COL11A1: variants seen among roughly 807,000 people sequenced by gnomAD.
The protein encoded by COL11A1 is collagen type XI alpha 1 chain, also known as collagen alpha-1(XI) chain.
COL11A1 carries 74 observed loss-of-function variants against 265.2 expected under a neutral mutation model. That is an observed-to-expected ratio of 0.28 (90% CI 0.23 to 0.34). The LOEUF is 0.34. COL11A1 is among the 10% of genes least tolerant of loss of function. The probability of loss-of-function intolerance (pLI) is 1.00; values close to 1 mark genes in which losing one functional copy is unlikely to be tolerated. For synonymous variants in COL11A1, 816 were observed against 727.6 expected, an observed-to-expected ratio of 1.12 and a Z score of -1.96; for missense variants, 2,165 against 2,263.6, an observed-to-expected ratio of 0.96 and a Z score of 0.88.
At chr1:103,107,564 A>C (rs1674804212) in intron 1 of COL11A1, among the ~76,000 whole-genome samples, 1 of 144,622 alleles carries the variant, frequency 6.9e-6, no homozygotes, top group Admixed American at 7.1e-5. Context: ...TATATCCCCA[A>C]AACTAAAACA....
At chr1:102,894,276 G>A (rs1417179356) in intron 57 of COL11A1, among the ~76,000 whole-genome samples, 1 of 152,138 alleles carries the variant, frequency 6.6e-6, no homozygotes, top group African/African-American at 2.4e-5. Context: ...GCTCACGCCT[G>A]TAATCCCAGC....
chr1:103,012,376 A>C, intron 14 of COL11A1, 37 bp downstream of exon 14: 1 of 1,567,362 alleles, frequency 6.4e-7, no homozygotes, highest in Non-Finnish European at 8.8e-7. Flanking sequence ...CTAATTTGAA[A>C]ATTTTAACAT....
chr1:102,954,034 T>C (rs1411006226), intron 41 of COL11A1, among the ~76,000 whole-genome samples: 2 of 152,200 alleles, frequency 1.3e-5, no homozygotes, highest in Non-Finnish European at 2.9e-5. Context: ...ATCATAAGTG[T>C]TCTGTTATTT....
chr1:102,974,724 A>T, intron 36 of COL11A1, 106 bp downstream of exon 36: 1 of 820,566 alleles, frequency 1.2e-6, no homozygotes, highest in South Asian at 1.6e-5. Context: ...AATTTTACAG[A>T]GATTTTATCA....
At chr1:103,090,357 A>G (rs1673219829) in intron 1 of COL11A1, among the ~76,000 whole-genome samples, 1 of 152,146 alleles carries the variant, frequency 6.6e-6, no homozygotes, top group African/African-American at 2.4e-5. Flanking sequence ...TATTGCTACT[A>G]TGAGCATGTG....
At chr1:102,912,117 C>G (rs1654756726) in intron 54 of COL11A1, 42 bp downstream of exon 54, 1 of 1,492,372 alleles carries the variant, frequency 6.7e-7, no homozygotes, top group Non-Finnish European at 9.3e-7. Context: ...TCCATGGTGA[C>G]TAATGAGCAT....
chr1:102,993,860 A>T (rs1664363519), intron 28 of COL11A1, among the ~76,000 whole-genome samples: 1 of 152,036 alleles, frequency 6.6e-6, no homozygotes, highest in Non-Finnish European at 1.5e-5. Context: ...TTTTAATTTA[A>T]TTTTTTGTTT....
chr1:102,878,461 T>C (rs1391277898), intron 66 of COL11A1, among the ~76,000 whole-genome samples: 1 of 128,968 alleles, frequency 7.8e-6, no homozygotes, highest in African/African-American at 2.8e-5. Flanking sequence ...AAATTGATGT[T>C]GGTATTGAAT....
chr1:102,990,181 C>T (rs1482442958), intron 28 of COL11A1, among the ~76,000 whole-genome samples: 1 of 151,944 alleles, frequency 6.6e-6, no homozygotes, highest in Non-Finnish European at 1.5e-5. Flanking sequence ...AAGAACTTCT[C>T]CCCCCAACAA....
At chr1:102,886,752 A>G (rs890962352) in intron 63 of COL11A1, 55 bp downstream of exon 63, 14 of 1,610,714 alleles carry the variant, frequency 8.7e-6, no homozygotes, top group Admixed American at 6.7e-5. Flanking sequence ...CTGCCAATGC[A>G]CCTCAGAAAC....
In COL11A1 at chr1:102,920,296, C is replaced by T. The variant is rs749464364; in HGVS notation, c.3762+15G>A. On this transcript the variant is annotated intron_variant, in intron 49 of 66. Transcript: ENST00000370096. ...ATTCATGCTGTTTCAAACTGTGTGT[C>T]ACTAACATATTTACCTTTTCTCCAA... The T allele has an allele frequency of 6.2e-7, 1 of 1,611,456 alleles. No individual in the cohort carries two copies. Among genetic ancestry groups the T allele is most frequent in the South Asian group, 1.1e-5 (1 of 90,988 alleles).
Position 103,083,248 on chromosome 1 carries a change from C to CTGTGTG in COL11A1, c.107-282_107-277dup, listed in dbSNP as rs76992260. Among the ~76,000 whole-genome samples, 61,226 of 147,916 alleles carry CTGTGTG rather than the reference C, an allele frequency of 0.41. 13,901 individuals carry two copies. Among genetic ancestry groups the CTGTGTG allele is most frequent in the East Asian group, 0.72 (3,609 of 5,008 alleles). Reference sequence around the variant, plus strand: ...TCTGTGTGTGTGTGTGTGTCTGTGTCTGTGTGTGTGTGTGTGTGCGTGTGT... The same window carrying CTGTGTG: ...TCTGTGTGTGTGTGTGTGTCTGTGTCTGTGTGTGTGTGTGTGTGTGTGTGCGTGTGT... On this transcript the variant is annotated intron_variant, in intron 1 of 66. Coordinates refer to ENST00000370096, the MANE Select transcript of COL11A1 (RefSeq NM_001854.4).
chr1:102,963,729 A>C (rs1661137990), intron 38 of COL11A1, among the ~76,000 whole-genome samples: 1 of 152,170 alleles, frequency 6.6e-6, no homozygotes, highest in Admixed American at 6.5e-5. Context: ...TTAATTATAC[A>C]ATTGCTGTAA....
Position 102,978,704 on chromosome 1 carries a change from G to T in COL11A1, c.2754+4C>A. On this transcript the variant is annotated splice_donor_region_variant and intron_variant, in intron 35 of 66. Transcript: ENST00000370096. The stretch of plus-strand genomic sequence containing the variant: ...TTTATATTATGTGGCTGTATCATAC[G>T]TACTCTTTCACCTGGAGGGCCAGGA... 1.2e-6 allele frequency: 2 copies of T among 1,613,646 alleles called. No homozygotes were observed. Among genetic ancestry groups the T allele is most frequent in the South Asian group, 2.2e-5 (2 of 91,082 alleles).
At chr1:102,974,662 G>A (rs543217039) in intron 36 of COL11A1, among the ~76,000 whole-genome samples, 168 bp downstream of exon 36, 38 of 151,968 alleles carry the variant, frequency 2.5e-4, no homozygotes, top group Admixed American at 1.4e-3. Flanking sequence ...ATTCAGAAAC[G>A]ATCTATGAAC....
chr1:102,914,387 C>T lies in COL11A1; in HGVS notation c.3943G>A (p.Gly1315Arg). ...GGTTCCCCAGGAGGACCAGGATCTCCAGGAAAACCAACAGGACCCTAGAAT... is the reference window on the plus strand; with the variant it reads ...GGTTCCCCAGGAGGACCAGGATCTCTAGGAAAACCAACAGGACCCTAGAAT... ...KGNPGPVGFPGDPGPPGEPGP... is the reference protein window; with the variant it reads ...KGNPGPVGFPRDPGPPGEPGP... Residue 1315 changes from glycine (G) to arginine (R), a missense_variant, in exon 52 of 67, where the codon GGA (glycine) becomes AGA (arginine). By Grantham distance (125) the Gly-to-Arg change is moderately radical. Coordinates refer to ENST00000370096, the MANE Select transcript of COL11A1 (RefSeq NM_001854.4). The T allele has an allele frequency of 6.2e-7, 1 of 1,608,262 alleles. No individual in the cohort carries two copies. Among genetic ancestry groups the T allele is most frequent in the Non-Finnish European group, 8.5e-7 (1 of 1,176,576 alleles).
At chr1:103,052,100 A>C (rs1669882582) in intron 4 of COL11A1, among the ~76,000 whole-genome samples, 1 of 152,114 alleles carries the variant, frequency 6.6e-6, no homozygotes, top group African/African-American at 2.4e-5. Flanking sequence ...GTTCTATTCC[A>C]TATTGAAAAT....
rs978267235 is a variant in COL11A1, at chr1:102,927,822, G to A, written c.3601-4433C>T. Among the ~76,000 whole-genome samples the A allele has an allele frequency of 2.6e-5, 4 of 152,060 alleles. No individual in the cohort carries two copies. The South Asian group carries it at 6.2e-4, about 24-fold the overall frequency. On this transcript the variant is annotated intron_variant, in intron 46 of 66. Coordinates refer to ENST00000370096, the MANE Select transcript of COL11A1 (RefSeq NM_001854.4). ...TTACAATTTTAAAATGATAATAATCGATCTTAAATGATCGACTTAATTTAT... is the reference window on the plus strand; with the variant it reads ...TTACAATTTTAAAATGATAATAATCAATCTTAAATGATCGACTTAATTTAT...
At position 102,879,578 on chromosome 1, in the gene COL11A1, CA is replaced by C. The variant is rs1432118984; in HGVS notation, c.5274+104del. 19 of 939,784 alleles carry C rather than the reference CA, an allele frequency of 2.0e-5. No homozygotes were observed. The African/African-American group carries it at 2.1e-4, about 10-fold the overall frequency. 58.2% of individuals were successfully genotyped at this position (939,784 alleles called of 1,614,324 possible). On this transcript the variant is annotated intron_variant, in intron 66 of 66. Coordinates refer to ENST00000370096, the MANE Select transcript of COL11A1 (RefSeq NM_001854.4). ...AAGATTAAGCAACAAATGTTAATAACAACTGACGTCCATTTCATGAGAAAAA... is the reference window on the plus strand; with the variant it reads ...AAGATTAAGCAACAAATGTTAATAACACTGACGTCCATTTCATGAGAAAAA...
Sources: allele counts gnomAD v4.1 joint callset (sites outside exome capture counted in the v4.1 genomes callset), GRCh38; gene constraint gnomAD v4.1.1; transcripts MANE v1.5; gene names NCBI Gene and HGNC (gene_info 2026-07-23, HGNC 2026-07-21).